Variants in TBCK observed in about 807,000 individuals in gnomAD.
TBCK encodes the protein TBC domain-containing protein kinase-like protein.
Under a neutral mutation model 113.4 loss-of-function variants are expected in TBCK, and 99 were observed. That is an observed-to-expected ratio of 0.87 (90% CI 0.74 to 1.03). The LOEUF (loss-of-function observed/expected upper bound fraction) is 1.03. TBCK is among the 50% of genes least tolerant of loss of function. The pLI is 0.00. For synonymous variants in TBCK, 369 were observed against 370.8 expected (o/e 1.00, Z 0.05); for missense variants, 1,045 against 1,061.3 (o/e 0.98, Z 0.21).
chr4:106,230,269 T>G (rs1293469580), intron 19 of TBCK, 94 bp downstream of exon 19: 9 of 687,754 alleles, frequency 1.3e-5, no homozygotes, highest in South Asian at 3.4e-5. Flanking sequence ...ATCGTATTTT[T>G]GGGGTCAAAA....
chr4:106,099,716 C>G (rs1741327377), intron 24 of TBCK, among the ~76,000 whole-genome samples: 1 of 152,132 alleles, frequency 6.6e-6, no homozygotes, highest in East Asian at 1.9e-4. Flanking sequence ...AAATCTTGTA[C>G]TCACATTTTT....
chr4:106,216,557 T>C (rs1756952547), intron 19 of TBCK, among the ~76,000 whole-genome samples: 1 of 151,960 alleles, frequency 6.6e-6, no homozygotes, highest in Non-Finnish European at 1.5e-5. Flanking sequence ...CCCACAGAAA[T>C]ACAAACTACC....
At chr4:106,295,206 T>C in intron 2 of TBCK, 40 bp from the exon 3 acceptor site, 1 of 1,584,446 alleles carries the variant, frequency 6.3e-7, no homozygotes. Context: ...ATTTTATCAA[T>C]ACAACATGTT....
chr4:106,247,242 T>C lies in TBCK; in HGVS notation c.828A>G (p.Val276=), dbSNP rs1760927222. The change falls in exon 10 of 26, where the codon GTA becomes GTG. Residue 276 remains valine (V), a synonymous_variant. Coordinates refer to ENST00000394708, the MANE Select transcript of TBCK (RefSeq NM_001163435.3). The stretch of plus-strand genomic sequence containing the variant: ...TGGTAAAGGGGGTATATAAAGGTGA[T>C]ACCTCACTGAATACTTTGTCCTTCA... ...QLMKDKVFSE[V]SPLYTPFTKP... is the part of the protein sequence containing the mutation. 3 of 1,612,668 alleles carry C rather than the reference T, an allele frequency of 1.9e-6. No homozygotes were observed. Among genetic ancestry groups the C allele is most frequent in the South Asian group, 1.1e-5 (1 of 91,038 alleles).
At position 106,181,201 on chromosome 4, in the gene TBCK, T is replaced by C. The variant is rs536250231; in HGVS notation, c.2060-9931A>G. 1.8e-3 allele frequency among the ~76,000 whole-genome samples: 278 copies of C among 152,318 alleles called. 1 individual carries two copies. Among genetic ancestry groups the C allele is most frequent in the Non-Finnish European group, 2.7e-3 (186 of 68,016 alleles). Reference sequence around the variant, plus strand: ...GTGTCTGTTCATATCCTTTGCCCATTTTTTGATGGGGTTCTTGGCTTTTTT... The same window carrying C: ...GTGTCTGTTCATATCCTTTGCCCATCTTTTGATGGGGTTCTTGGCTTTTTT... On this transcript the variant is annotated intron_variant, in intron 22 of 25. Coordinates refer to ENST00000394708, the MANE Select transcript of TBCK (RefSeq NM_001163435.3).
chr4:106,043,573 C>T lies in TBCK; in HGVS notation c.*2997G>A, dbSNP rs907592477. On this transcript the variant is annotated 3_prime_UTR_variant, in exon 26 of 26. Coordinates refer to ENST00000394708, the MANE Select transcript of TBCK (RefSeq NM_001163435.3). ...TAATAGGGGACTAAATGTAAACAAA[C>T]GATTGCAAAATGATGTAATAAATCT... 6.6e-6 allele frequency: 1 copy of T among 152,024 alleles called. No homozygotes were observed. The highest frequency in any genetic ancestry group is 1.5e-5 in the Non-Finnish European group (1 of 68,028). The allele number at this position is 152,024 out of a possible 1,614,324, so 9.4% of individuals were successfully genotyped here.
intron 23 of TBCK, among the ~76,000 whole-genome samples, chr4:106,128,644 A>G (rs4600995): frequency 0.4 from 61,132 of 151,976 alleles, 12,605 homozygotes; most frequent in African/African-American, 0.48. Context: ...TTGAAAAAAT[A>G]AGGAGAGGGG....
intron 3 of TBCK, among the ~76,000 whole-genome samples, chr4:106,267,563 TATAAC>T (rs1451241334): frequency 9.9e-5 from 15 of 152,068 alleles, no homozygotes; most frequent in Non-Finnish European, 1.8e-4. Flanking sequence ...AAAATTTACT[TATAAC>T]ATTGGTGAGA....
chr4:106,108,309 G>A (rs1031886957), intron 24 of TBCK, among the ~76,000 whole-genome samples: 2 of 152,084 alleles, frequency 1.3e-5, no homozygotes, highest in Non-Finnish European at 2.9e-5. Flanking sequence ...AGTAAAAAAG[G>A]AAAACTTCAG....
At chr4:106,217,206 T>C (rs1250167902) in intron 19 of TBCK, among the ~76,000 whole-genome samples, 4 of 152,142 alleles carry the variant, frequency 2.6e-5, no homozygotes, top group Non-Finnish European at 5.9e-5. Flanking sequence ...TAGGTATTGA[T>C]GGGACATACT....
chr4:106,123,550 A>T (rs1744736040), intron 23 of TBCK, among the ~76,000 whole-genome samples: 1 of 152,216 alleles, frequency 6.6e-6, no homozygotes, highest in Admixed American at 6.5e-5. Context: ...ACCAAAAAAG[A>T]GCCCACATCG....
At chr4:106,312,508 G>A (rs562901072) in intron 1 of TBCK, among the ~76,000 whole-genome samples, 53 of 152,104 alleles carry the variant, frequency 3.5e-4, no homozygotes, top group Admixed American at 7.2e-4. Context: ...TAGTGGGAGC[G>A]TAAAATGGCA....
intron 20 of TBCK, among the ~76,000 whole-genome samples, chr4:106,199,333 C>T (rs553690055): frequency 1.3e-5 from 2 of 152,244 alleles, no homozygotes; most frequent in East Asian, 3.9e-4. Context: ...ACCATACTCA[C>T]CTAGTTTTGT....
At chr4:106,314,959 T>C (rs1261467027) in intron 1 of TBCK, among the ~76,000 whole-genome samples, 1 of 152,088 alleles carries the variant, frequency 6.6e-6, no homozygotes, top group Non-Finnish European at 1.5e-5. Context: ...TATCATCACA[T>C]AGCTGAAAAT....
intron 18 of TBCK, 31 bp from the exon 19 acceptor site, chr4:106,230,477 A>AAT (rs1241140741): frequency 9.8e-6 from 14 of 1,425,198 alleles, no homozygotes; most frequent in Non-Finnish European, 1.4e-5. Flanking sequence ...GGCATGTAAA[A>AAT]AATTAGTTAA....
At chr4:106,227,857 T>C (rs1342445510) in intron 19 of TBCK, among the ~76,000 whole-genome samples, 1 of 149,140 alleles carries the variant, frequency 6.7e-6, no homozygotes, top group Admixed American at 6.8e-5. Context: ...CAGTATAAAA[T>C]GTCACAATAA....
In TBCK at chr4:106,042,047, ACT is replaced by A. The variant is rs1733902067; in HGVS notation, c.*4521_*4522del. The A allele has an allele frequency of 3.3e-5, 5 of 152,118 alleles. No individual in the cohort carries two copies. The allele number at this position is 152,118 out of a possible 1,614,324, so 9.4% of individuals were successfully genotyped here. On this transcript the variant is annotated 3_prime_UTR_variant, in exon 26 of 26. Coordinates refer to ENST00000394708, the MANE Select transcript of TBCK (RefSeq NM_001163435.3). ...TGTCAAGTGTCAGTTAAAGTTTGAAACTCTTCACCATTAGTTTTCCACATAAA... is the reference window on the plus strand; with the variant it reads ...TGTCAAGTGTCAGTTAAAGTTTGAAACTTCACCATTAGTTTTCCACATAAA...
chr4:106,107,502 T>C (rs191684889), intron 24 of TBCK, among the ~76,000 whole-genome samples: 8 of 152,160 alleles, frequency 5.3e-5, no homozygotes, highest in African/African-American at 1.4e-4. Context: ...ATCATACAAT[T>C]ACATAGAAAT....
Position 106,046,173 on chromosome 4 carries a change from C to T in TBCK, c.*397G>A, listed in dbSNP as rs1734199770. On this transcript the variant is annotated 3_prime_UTR_variant, in exon 26 of 26. Coordinates refer to ENST00000394708, the MANE Select transcript of TBCK (RefSeq NM_001163435.3). ...TTTCATTATGGAAAGATGATGATTT[C>T]AGCCCACATTCAGTGTATGTTTCTA... The T allele has an allele frequency of 6.4e-6, 1 of 155,576 alleles. No homozygotes were observed. The highest frequency in any genetic ancestry group is 6.4e-5 in the Admixed American group (1 of 15,562). 9.6% of individuals were successfully genotyped at this position (155,576 alleles called of 1,614,324 possible). A position where few individuals can be genotyped will look rare whatever the true frequency, so the allele number is the denominator to read the frequency against.
Sources: gnomAD v4.1 joint callset for allele counts (sites outside exome capture counted in the v4.1 genomes callset) on GRCh38, gnomAD v4.1.1 for gene constraint, MANE v1.5 for transcripts, NCBI Gene and HGNC (gene_info 2026-07-23, HGNC 2026-07-21) for gene names.